The following IL1RL1 variants were observed in gnomAD, a reference collection of about 807,000 sequenced individuals.
IL1RL1 encodes the protein interleukin-1 receptor-like 1.
Under a neutral mutation model 50.9 loss-of-function variants are expected in IL1RL1, and 32 were observed. The ratio of observed to expected loss-of-function variants is 0.63; its 90% confidence interval spans 0.47 to 0.84. The LOEUF is 0.84. Ranked by LOEUF, IL1RL1 falls within the 40% of genes least tolerant of loss-of-function variation. The pLI, the probability that IL1RL1 is intolerant of heterozygous loss-of-function variation, is 0.00. For synonymous variants in IL1RL1, 275 were observed against 236.0 expected, an observed-to-expected ratio of 1.17 and a Z score of -1.51; for missense variants, 773 against 662.9, an observed-to-expected ratio of 1.17 and a Z score of -1.82.
chr2:102,327,547 A>G (rs1677046360), intron 1 of IL1RL1, among the ~76,000 whole-genome samples: 2 of 152,190 alleles, frequency 1.3e-5, no homozygotes, highest in South Asian at 4.1e-4. Flanking sequence ...AACCCTTCAA[A>G]AAATCAATGA....
At chr2:102,336,622 T>C (rs1677336511) in intron 1 of IL1RL1, among the ~76,000 whole-genome samples, 1 of 152,206 alleles carries the variant, frequency 6.6e-6, no homozygotes, top group Admixed American at 6.5e-5. Context: ...GTCACTCCCC[T>C]TGAGGGAAGC....
At chr2:102,336,068 C>G (rs527406540) in intron 1 of IL1RL1, among the ~76,000 whole-genome samples, 1 of 152,184 alleles carries the variant, frequency 6.6e-6, no homozygotes, top group Non-Finnish European at 1.5e-5. Context: ...ATAAGAGATT[C>G]AAGAGTAGTC....
At chr2:102,319,861 A>T (rs1676787373) in intron 1 of IL1RL1, among the ~76,000 whole-genome samples, 1 of 151,964 alleles carries the variant, frequency 6.6e-6, no homozygotes, top group Non-Finnish European at 1.5e-5. Flanking sequence ...ACTAATTTTT[A>T]AATTTTTTGT....
intron 1 of IL1RL1, among the ~76,000 whole-genome samples, chr2:102,317,346 T>A (rs2104960135): frequency 6.6e-6 from 1 of 152,170 alleles, no homozygotes; most frequent in Admixed American, 6.5e-5. Flanking sequence ...AGAGCCGGAC[T>A]CTGTCTCAAA....
Position 102,345,245 on chromosome 2 carries a change from G to A in IL1RL1, c.970+1830G>A, listed in dbSNP as rs903559094. Reference sequence around the variant, plus strand: ...ACTGATCCTTCTCCCCACTCCCTTGGTGTGTCTCTGAATGCAATGTTGTCT... The same window carrying A: ...ACTGATCCTTCTCCCCACTCCCTTGATGTGTCTCTGAATGCAATGTTGTCT... On this transcript the variant is annotated intron_variant, in intron 8 of 10. Coordinates refer to ENST00000233954, the MANE Select transcript of IL1RL1 (RefSeq NM_016232.5). The A allele has an allele frequency of 2.6e-5, 26 of 985,278 alleles. No homozygotes were observed. In the African/African-American group the frequency reaches 3.8e-4, roughly 15 times the overall value. 61.0% of individuals were successfully genotyped at this position (985,278 alleles called of 1,614,324 possible).
chr2:102,341,412 A>G, intron 5 of IL1RL1: 1 of 918,190 alleles, frequency 1.1e-6, no homozygotes, highest in Non-Finnish European at 1.4e-6. Context: ...ATTTTATAAA[A>G]GCTTATTTAA....
At chr2:102,329,788 G>T (rs1389825426) in intron 1 of IL1RL1, among the ~76,000 whole-genome samples, 2 of 152,156 alleles carry the variant, frequency 1.3e-5, no homozygotes, top group Admixed American at 6.5e-5. Context: ...ACCACAATGA[G>T]ATACCATCTC....
intron 1 of IL1RL1, among the ~76,000 whole-genome samples, chr2:102,325,811 A>G (rs909890654): frequency 2.0e-5 from 3 of 152,214 alleles, no homozygotes; most frequent in Non-Finnish European, 4.4e-5. Context: ...AAAGTAGAAT[A>G]AAAGGAAACG....
Position 102,351,623 on chromosome 2 carries a change from T to A in IL1RL1, c.1373T>A (p.Phe458Tyr), listed in dbSNP as rs752047806. The change falls in exon 11 of 11, where the codon TTT becomes TAT. Residue 458 changes from phenylalanine (F) to tyrosine (Y), a missense_variant. Coordinates refer to ENST00000233954, the MANE Select transcript of IL1RL1 (RefSeq NM_016232.5). ...CCTCAGATCACTCACAATAAGGAGT[T>A]TGCCTACGAGCAGGAGGTTGCCCTG... Reference protein sequence around the residue: ...LTPQITHNKEFAYEQEVALHC... With the variant: ...LTPQITHNKEYAYEQEVALHC... 1.9e-6 allele frequency: 3 copies of A among 1,614,112 alleles called. No homozygotes were observed. Among genetic ancestry groups the A allele is most frequent in the Non-Finnish European group, 2.5e-6 (3 of 1,179,992 alleles).
chr2:102,350,787 C>T (rs1418516256), intron 10 of IL1RL1, among the ~76,000 whole-genome samples: 1 of 121,756 alleles, frequency 8.2e-6, no homozygotes, highest in East Asian at 2.1e-4. Flanking sequence ...TCTGGGAGCA[C>T]CTCTTCTCAG....
chr2:102,344,772 A>G (rs960813396), intron 8 of IL1RL1: 4 of 929,742 alleles, frequency 4.3e-6, no homozygotes, highest in East Asian at 2.3e-4. Context: ...TTCTCTAGCT[A>G]TAAGTCTTAA....
intron 8 of IL1RL1, among the ~76,000 whole-genome samples, 168 bp from the exon 9 acceptor site, chr2:102,347,777 G>A (rs1677824014): frequency 6.6e-6 from 1 of 152,154 alleles, no homozygotes; most frequent in South Asian, 2.1e-4. Flanking sequence ...ATGTGTTGTA[G>A]AGGCTCAATA....
chr2:102,334,823 T>C, intron 1 of IL1RL1, among the ~76,000 whole-genome samples: 1 of 152,186 alleles, frequency 6.6e-6, no homozygotes, highest in East Asian at 1.9e-4. Context: ...ACCTTCTAAG[T>C]TCGGAAGTAT....
intron 1 of IL1RL1, among the ~76,000 whole-genome samples, chr2:102,325,079 A>C (rs2104968087): frequency 6.6e-6 from 1 of 152,280 alleles, no homozygotes; most frequent in East Asian, 1.9e-4. Context: ...ACCCCCGAGT[A>C]GCCTAACTGG....
At chr2:102,313,652 G>A (rs569837931) in intron 1 of IL1RL1, among the ~76,000 whole-genome samples, 2 of 152,274 alleles carry the variant, frequency 1.3e-5, no homozygotes, top group South Asian at 2.1e-4. Flanking sequence ...GGTTTTCTGG[G>A]AGTGCAGAGG....
intron 5 of IL1RL1, among the ~76,000 whole-genome samples, chr2:102,341,894 T>A (rs1430989078): frequency 2.0e-5 from 3 of 152,214 alleles, no homozygotes; most frequent in Admixed American, 2.0e-4. Context: ...CTTATTCTTA[T>A]TCTGTAGAAG....
downstream of IL1RL1, chr2:102,352,143 C>G: frequency 2.0e-6 from 1 of 495,874 alleles, no homozygotes; most frequent in South Asian, 3.4e-5. Flanking sequence ...CCACCATTTT[C>G]TTCCCTTTTC....
At chr2:102,320,215 C>G (rs902574875) in intron 1 of IL1RL1, among the ~76,000 whole-genome samples, 5 of 152,174 alleles carry the variant, frequency 3.3e-5, no homozygotes, top group African/African-American at 4.8e-5. Flanking sequence ...CCAGTGTCGT[C>G]TTTAAGGTGG....
rs115334919 is a variant in IL1RL1 at position 102,334,466 on chromosome 2, C to A, written c.-149-3650C>A. Among the ~76,000 whole-genome samples, 587 of 152,184 alleles carry A rather than the reference C, an allele frequency of 3.9e-3. 4 individuals carry two copies. The highest frequency in any genetic ancestry group is 0.013 in the African/African-American group (538 of 41,524). On this transcript the variant is annotated intron_variant, in intron 1 of 10. Transcript: ENST00000233954. Reference sequence around the variant, plus strand: ...CCAGCATATTCTCCAGAGGCCCAGGCTAGGCCGTCTAGGGGCATGCTTGTT... The same window carrying A: ...CCAGCATATTCTCCAGAGGCCCAGGATAGGCCGTCTAGGGGCATGCTTGTT...
Sources: gnomAD v4.1 joint callset for allele counts (sites outside exome capture counted in the v4.1 genomes callset) on GRCh38, gnomAD v4.1.1 for gene constraint, MANE v1.5 for transcripts, NCBI Gene and HGNC (gene_info 2026-07-23, HGNC 2026-07-21) for gene names.